The following USP45 variants were observed in gnomAD, a reference collection of about 807,000 sequenced individuals.
USP45 encodes ubiquitin carboxyl-terminal hydrolase 45.
A neutral mutation model predicts 95.8 loss-of-function variants in USP45; 89 were observed. The ratio of observed to expected loss-of-function variants is 0.93; its 90% CI spans 0.78 to 1.11. The LOEUF (loss-of-function observed/expected upper bound fraction) is 1.11, where lower values mean the gene tolerates loss of function less well. Among genes scored for constraint, USP45 ranks in the 50% least tolerant of loss-of-function variants. The pLI, the probability that USP45 is intolerant of heterozygous loss-of-function variation, is 0.00. For synonymous variants in USP45, 281 were observed against 316.2 expected, an observed-to-expected ratio of 0.89 and a Z score of 1.18; for missense variants, 898 against 942.5, an observed-to-expected ratio of 0.95 and a Z score of 0.62.
At chr6:99,486,984 G>A (rs1220748615) in intron 7 of USP45, among the ~76,000 whole-genome samples, 5 of 152,276 alleles carry the variant, frequency 3.3e-5, no homozygotes, top group East Asian at 3.9e-4. Flanking sequence ...GGGAGATCAC[G>A]CAGCATGGGG....
In USP45 at chr6:99,457,575, C is replaced by T. The variant is rs578046197; in HGVS notation, c.1308+7029G>A. Among the ~76,000 whole-genome samples, 21 of 152,124 alleles carry T rather than the reference C, an allele frequency of 1.4e-4. No homozygotes were observed. In the South Asian group the frequency reaches 4.4e-3, roughly 32 times the overall value. ...ATAAATATGTACAAATATTATGTACCAACAGAAAATTAATGGTCAATGGAA... is the reference window on the plus strand; with the variant it reads ...ATAAATATGTACAAATATTATGTACTAACAGAAAATTAATGGTCAATGGAA... On this transcript the variant is annotated intron_variant, in intron 13 of 17. Transcript: ENST00000500704.
chr6:99,504,474 T>C (rs1368782651), intron 4 of USP45, among the ~76,000 whole-genome samples: 4 of 152,104 alleles, frequency 2.6e-5, no homozygotes, highest in Admixed American at 2.0e-4. Context: ...CTCTCACTAA[T>C]GTGATAAACT....
chr6:99,501,774 T>C lies in USP45; in HGVS notation c.478+1991A>G, dbSNP rs1797418916. ...TATTTATTTGTTAGGTAACAAAGTA[T>C]ACAATAACAAAATACATAATACATT... On this transcript the variant is annotated intron_variant, in intron 5 of 17. Transcript: ENST00000500704. The C allele has an allele frequency of 1.4e-5, 6 of 431,538 alleles. No individual in the cohort carries two copies. The South Asian group carries it at 1.8e-4, about 13-fold the overall frequency. The allele number at this position is 431,538 out of a possible 1,614,324, so 26.7% of individuals were successfully genotyped here.
chr6:99,461,381 TTTG>T (rs1786437431), intron 13 of USP45: 1 of 985,288 alleles, frequency 1.0e-6, no homozygotes, highest in Admixed American at 6.1e-5. Context: ...TACCTTAGTT[TTTG>T]GTTCAAGAAG....
At chr6:99,438,272 A>G (rs1780880686) in intron 16 of USP45, among the ~76,000 whole-genome samples, 1 of 152,184 alleles carries the variant, frequency 6.6e-6, no homozygotes, top group South Asian at 2.1e-4. Flanking sequence ...AAGGCAGAAA[A>G]AAGGATACAC....
rs1002913156 is a variant in USP45, at chr6:99,460,664, C to A, written c.1308+3940G>T. 4.7e-5 allele frequency: 19 copies of A among 408,490 alleles called. 1 individual carries two copies. Among genetic ancestry groups the A allele is most frequent in the South Asian group, 4.2e-4 (4 of 9,614 alleles). The allele number at this position is 408,490 out of a possible 1,614,324, so 25.3% of individuals were successfully genotyped here. A position where few individuals can be genotyped will look rare whatever the true frequency, so the allele number is the denominator to read the frequency against. ...TATATTGATAGATACCGTAACTACA[C>A]AGTATTCTTTTGGTGACTGGTCTGA... is the stretch of plus-strand genomic sequence containing the variant. On this transcript the variant is annotated intron_variant, in intron 13 of 17. Transcript: ENST00000500704.
Position 99,456,223 on chromosome 6 carries a change from T to C in USP45, c.1308+8381A>G, listed in dbSNP as rs529425994. ...GCTTAGAAAAGAGTGAGTGGGGTTG[T>C]AGTGGAGAAGCTAAAAAGAGAGGTA... On this transcript the variant is annotated intron_variant, in intron 13 of 17. Coordinates refer to ENST00000500704, the MANE Select transcript of USP45 (RefSeq NM_001346022.3). Among the ~76,000 whole-genome samples, 6 of 150,438 alleles carry C rather than the reference T, an allele frequency of 4.0e-5. No individual in the cohort carries two copies. In the South Asian group the frequency reaches 1.1e-3, roughly 26 times the overall value.
At chr6:99,439,938 G>T (rs1034425128) in intron 15 of USP45, 83 bp from the exon 16 acceptor site, 3 of 1,014,562 alleles carry the variant, frequency 3.0e-6, no homozygotes, top group African/African-American at 3.3e-5. Flanking sequence ...AAGAGAAATT[G>T]TAGGACTTAG....
At chr6:99,515,353 T>A (rs1384454960) in intron 1 of USP45, 39 bp downstream of exon 1, 2 of 152,110 alleles carry the variant, frequency 1.3e-5, no homozygotes, top group Non-Finnish European at 2.9e-5. Flanking sequence ...GCGGCGACCA[T>A]ACCGCCGCTG....
intron 8 of USP45, among the ~76,000 whole-genome samples, chr6:99,476,992 C>T (rs1791033866): frequency 6.6e-6 from 1 of 152,138 alleles, no homozygotes; most frequent in African/African-American, 2.4e-5. Context: ...ACAGTAAACT[C>T]TATGCTAAAA....
At chr6:99,515,936 G>T, upstream of USP45, among the ~76,000 whole-genome samples, 2 of 151,954 alleles carry the variant, frequency 1.3e-5, no homozygotes, top group East Asian at 3.9e-4. Flanking sequence ...CATCACGCCC[G>T]GCTAATTTTT....
intron 13 of USP45, among the ~76,000 whole-genome samples, chr6:99,451,861 G>A (rs569784308): frequency 2.0e-5 from 3 of 152,142 alleles, no homozygotes; most frequent in East Asian, 3.9e-4. Flanking sequence ...AACAGAACCC[G>A]CAGAAATAAT....
intron 9 of USP45, among the ~76,000 whole-genome samples, chr6:99,469,051 G>A (rs950355265): frequency 1.2e-4 from 18 of 152,214 alleles, no homozygotes; most frequent in African/African-American, 3.9e-4. Context: ...AAGCTATCAA[G>A]CTGGTTACTA....
chr6:99,472,897 G>T (rs1441138132), intron 9 of USP45, among the ~76,000 whole-genome samples: 1 of 152,164 alleles, frequency 6.6e-6, no homozygotes, highest in Non-Finnish European at 1.5e-5. Context: ...AAGATCATTA[G>T]TTTGGGAGTC....
At position 99,437,371 on chromosome 6, in the gene USP45, T is replaced by C; in HGVS notation, c.2189A>G (p.Tyr730Cys). 1 of 1,604,676 alleles carries C rather than the reference T, an allele frequency of 6.2e-7. No individual in the cohort carries two copies. The highest frequency in any genetic ancestry group is 8.5e-7 in the Non-Finnish European group (1 of 1,177,576). The change falls in exon 17 of 18, where the codon TAC becomes TGC. Residue 730 changes from tyrosine to cysteine, a missense_variant. Coordinates refer to ENST00000500704, the MANE Select transcript of USP45 (RefSeq NM_001346022.3). ...KNASVGDKVL[Y>C]GLYGIVEHSG... ...ATGTTCCACTATGCCATAGAGACCG[T>C]AGAGAACTTTATCTCCCACACTTGC... is the stretch of plus-strand genomic sequence containing the variant.
At position 99,503,997 on chromosome 6, in the gene USP45, C is replaced by T. The variant is rs561698257; in HGVS notation, c.378-132G>A. ...GGAGGGAATACAAAGGGGAAGCCAC[C>T]AGGTAAGTCTAGAGAAATAAGCAGA... On this transcript the variant is annotated intron_variant, in intron 4 of 17. Transcript: ENST00000500704. 2.2e-4 allele frequency: 126 copies of T among 582,152 alleles called. 1 individual carries two copies. Among genetic ancestry groups the T allele is most frequent in the Non-Finnish European group, 3.3e-4 (114 of 344,432 alleles). 36.1% of individuals were successfully genotyped at this position (582,152 alleles called of 1,614,324 possible). A position where few individuals can be genotyped will look rare whatever the true frequency, so the allele number is the denominator to read the frequency against.
At position 99,510,066 on chromosome 6, in the gene USP45, A is replaced by G. The variant is rs965796482; in HGVS notation, c.100+55T>C. ...TCAAACCCATGTTGTTGAAGGGTCA[A>G]CTGCATTGTTATTTCTTCTCAACAC... On this transcript the variant is annotated intron_variant, in intron 2 of 17. Coordinates refer to ENST00000500704, the MANE Select transcript of USP45 (RefSeq NM_001346022.3). 3.0e-6 allele frequency: 4 copies of G among 1,353,488 alleles called. No individual in the cohort carries two copies. In the African/African-American group the frequency reaches 5.7e-5, roughly 19 times the overall value. 83.8% of individuals were successfully genotyped at this position (1,353,488 alleles called of 1,614,324 possible). A position where few individuals can be genotyped will look rare whatever the true frequency, so the allele number is the denominator to read the frequency against.
At chr6:99,483,824 G>A (rs1255812697) in intron 7 of USP45, among the ~76,000 whole-genome samples, 3 of 93,690 alleles carry the variant, frequency 3.2e-5, no homozygotes, top group East Asian at 6.9e-4. Context: ...CGGCCTGGGC[G>A]ACAGAGCGAG....
At chr6:99,474,440 C>T (rs570643604) in intron 9 of USP45, among the ~76,000 whole-genome samples, 66 of 152,248 alleles carry the variant, frequency 4.3e-4, no homozygotes, top group Admixed American at 1.2e-3. Flanking sequence ...TCAAGTGATC[C>T]GCCCACCTTG....
Sources: gnomAD v4.1 joint callset for allele counts (sites outside exome capture counted in the v4.1 genomes callset) on GRCh38, gnomAD v4.1.1 for gene constraint, MANE v1.5 for transcripts, NCBI Gene and HGNC (gene_info 2026-07-23, HGNC 2026-07-21) for gene names.